The following LDLRAD4 variants were observed in gnomAD, a reference collection of about 807,000 sequenced individuals.
LDLRAD4 encodes low density lipoprotein receptor class A domain containing 4.
LDLRAD4 carries 5 observed loss-of-function variants against 17.0 expected under a neutral mutation model. That is an observed-to-expected ratio of 0.29 (90% CI 0.15 to 0.62). LDLRAD4 has a LOEUF of 0.62. LDLRAD4 is among the 20% of genes least tolerant of loss of function. LDLRAD4 has a pLI of 0.84. For missense variants in LDLRAD4, 340 were observed against 424.7 expected (o/e 0.80, Z 1.75); for synonymous variants, 168 against 171.8 (o/e 0.98, Z 0.17).
At chr18:13,479,252 G>A (rs550805543) in intron 3 of LDLRAD4, among the ~76,000 whole-genome samples, 2 of 152,260 alleles carry the variant, frequency 1.3e-5, no homozygotes, top group South Asian at 2.1e-4. Flanking sequence ...AAGGCATGGG[G>A]CATGAAAAAA....
At chr18:13,274,310 C>T (rs912479564), upstream of LDLRAD4, among the ~76,000 whole-genome samples, 21 of 152,172 alleles carry the variant, frequency 1.4e-4, no homozygotes, top group African/African-American at 4.6e-4. Flanking sequence ...AACCTGGAGC[C>T]GTTGATCTCT....
intron 1 of LDLRAD4, among the ~76,000 whole-genome samples, chr18:13,355,037 G>C (rs977138672): frequency 2.6e-5 from 4 of 152,220 alleles, no homozygotes; most frequent in African/African-American, 9.6e-5. Flanking sequence ...TTCTATGCCT[G>C]TTTGACATGT....
intron 3 of LDLRAD4, among the ~76,000 whole-genome samples, chr18:13,593,570 C>T (rs947946944): frequency 6.5e-5 from 9 of 138,008 alleles, no homozygotes; most frequent in Non-Finnish European, 1.1e-4. Flanking sequence ...TCTGTCTGTC[C>T]GTCCGTCCGT....
chr18:13,245,286 G>T (rs1306318034), intron 1 of LDLRAD4, among the ~76,000 whole-genome samples: 1 of 152,186 alleles, frequency 6.6e-6, no homozygotes, highest in Non-Finnish European at 1.5e-5. Context: ...AGAAATAATG[G>T]GGAGACGAGG....
chr18:13,438,835 C>G lies in LDLRAD4; in HGVS notation c.181+451C>G, dbSNP rs190902600. Among the ~76,000 whole-genome samples the G allele has an allele frequency of 3.3e-5, 5 of 152,320 alleles. No individual in the cohort carries two copies. The East Asian group carries it at 9.6e-4, about 29-fold the overall frequency. On this transcript the variant is annotated intron_variant, in intron 3 of 5. Transcript: ENST00000359446. ...TTTTCTATTAGATACTGGATGGAAA[C>G]AGCTTGAGTGAGGTTTTGACATGTG...
At chr18:13,643,308 T>C (rs1041990615) in intron 4 of LDLRAD4, 51 bp from the exon 6 acceptor site, 5 of 1,223,942 alleles carry the variant, frequency 4.1e-6, no homozygotes, top group Admixed American at 4.8e-5. Context: ...GGGCTAATGA[T>C]TTTCCTCTGT....
intron 1 of LDLRAD4, among the ~76,000 whole-genome samples, chr18:13,287,554 C>T (rs2045699331): frequency 6.6e-6 from 1 of 152,160 alleles, no homozygotes; most frequent in South Asian, 2.1e-4. Flanking sequence ...AAGTAATTGG[C>T]TGGTGACTAC....
At chr18:13,500,679 A>T (rs1352672026) in intron 3 of LDLRAD4, 1 of 152,208 alleles carries the variant, frequency 6.6e-6, no homozygotes, top group African/African-American at 2.4e-5. Context: ...TCGTTGAGTA[A>T]CAATGGAGAA....
At chr18:13,244,709 C>A (rs935280357) in intron 1 of LDLRAD4, among the ~76,000 whole-genome samples, 2 of 152,138 alleles carry the variant, frequency 1.3e-5, no homozygotes, top group Non-Finnish European at 2.9e-5. Flanking sequence ...CCAAGACACA[C>A]CCTGTCACAG....
chr18:13,416,370 T>G (rs1341339631), intron 2 of LDLRAD4, among the ~76,000 whole-genome samples: 1 of 152,228 alleles, frequency 6.6e-6, no homozygotes, highest in East Asian at 1.9e-4. Context: ...AACCCTGGCT[T>G]TTGTTTCCAG....
intron 4 of LDLRAD4, among the ~76,000 whole-genome samples, chr18:13,640,587 A>G (rs2042458239): frequency 6.6e-6 from 1 of 152,188 alleles, no homozygotes; most frequent in South Asian, 2.1e-4. Context: ...TGAATAGGTA[A>G]CAATTGTGCC....
intron 1 of LDLRAD4, among the ~76,000 whole-genome samples, chr18:13,289,943 A>C (rs370489967): frequency 6.6e-6 from 1 of 152,212 alleles, no homozygotes; most frequent in Non-Finnish European, 1.5e-5. Context: ...AACCATGGGA[A>C]CATTCTGGAT....
rs1220344147 is a variant in LDLRAD4, at chr18:13,246,140, C to T, written c.-467+27152C>T. On this transcript the variant is annotated intron_variant, in intron 1 of 5. Coordinates refer to the LDLRAD4 transcript ENST00000399848. Reference sequence around the variant, plus strand: ...TTAGAGGCTAATTAAAGTGTGCGAACAACGATAAATTCAGATAACCCGTAT... The same window carrying T: ...TTAGAGGCTAATTAAAGTGTGCGAATAACGATAAATTCAGATAACCCGTAT... Among the ~76,000 whole-genome samples the T allele has an allele frequency of 2.0e-5, 3 of 152,254 alleles. No individual in the cohort carries two copies. In the East Asian group the frequency reaches 5.8e-4, roughly 29 times the overall value.
At chr18:13,406,743 C>T (rs1237836733) in intron 2 of LDLRAD4, among the ~76,000 whole-genome samples, 4 of 152,192 alleles carry the variant, frequency 2.6e-5, no homozygotes, top group African/African-American at 9.7e-5. Context: ...CACTTGCTCT[C>T]ACTTGCCATG....
chr18:13,408,615 G>C (rs995992822), intron 2 of LDLRAD4, among the ~76,000 whole-genome samples: 39 of 152,056 alleles, frequency 2.6e-4, no homozygotes, highest in African/African-American at 9.2e-4. Flanking sequence ...TGGGATTACA[G>C]GCACCCGCCA....
chr18:13,464,915 T>G (rs2092563926), intron 3 of LDLRAD4: 1 of 151,688 alleles, frequency 6.6e-6, no homozygotes, highest in Non-Finnish European at 1.5e-5. Context: ...GACATGCTAA[T>G]TGGTTGGCCG....
chr18:13,363,316 A>G (rs1234691470), intron 1 of LDLRAD4, among the ~76,000 whole-genome samples: 17 of 138,010 alleles, frequency 1.2e-4, no homozygotes, highest in Middle Eastern at 3.7e-3. Flanking sequence ...TGGGCGACAG[A>G]GCAAGACTCC....
intron 3 of LDLRAD4, among the ~76,000 whole-genome samples, chr18:13,604,072 T>C (rs1293519278): frequency 6.6e-6 from 1 of 152,246 alleles, no homozygotes; most frequent in East Asian, 1.9e-4. Context: ...AGTATAGTTA[T>C]ATAGGTCTGA....
intron 3 of LDLRAD4, among the ~76,000 whole-genome samples, chr18:13,459,254 C>T: frequency 6.7e-6 from 1 of 149,136 alleles, no homozygotes. Context: ...AGGAGGATCA[C>T]TTGAGCCTAG....
Sources: gnomAD v4.1 joint callset for allele counts (sites outside exome capture counted in the v4.1 genomes callset) on GRCh38, gnomAD v4.1.1 for gene constraint, MANE v1.5 for transcripts, NCBI Gene and HGNC (gene_info 2026-07-23, HGNC 2026-07-21) for gene names.